Variants in FIP1L1 observed in about 807,000 individuals in gnomAD.
FIP1L1 encodes factor interacting with PAPOLA and CPSF1.
FIP1L1 carries 21 observed loss-of-function variants against 84.6 expected under a neutral mutation model. That is an observed-to-expected ratio of 0.25 (90% confidence interval 0.18 to 0.36). The LOEUF (loss-of-function observed/expected upper bound fraction) is 0.36, where lower values mean the gene tolerates loss of function less well. Ranked by LOEUF, FIP1L1 falls within the 10% of genes least tolerant of loss-of-function variation. FIP1L1 has a pLI of 1.00. For missense variants in FIP1L1, 526 were observed against 751.1 expected (o/e 0.70, Z 3.50); for synonymous variants, 263 against 242.3 (o/e 1.09, Z -0.80).
intron 15 of FIP1L1, among the ~76,000 whole-genome samples, chr4:53,447,474 A>G (rs546840224): frequency 6.6e-6 from 1 of 152,176 alleles, no homozygotes; most frequent in Non-Finnish European, 1.5e-5. Flanking sequence ...ACTTCTTACA[A>G]TGTTTACATT....
chr4:53,459,167 T>C, intron 17 of FIP1L1, 135 bp from the exon 18 acceptor site: 1 of 684,302 alleles, frequency 1.5e-6, no homozygotes, highest in South Asian at 2.0e-5. Context: ...ATTCCTCACA[T>C]TATATTTATG....
intron 9 of FIP1L1, among the ~76,000 whole-genome samples, chr4:53,392,514 T>C (rs567089679): frequency 6.6e-6 from 1 of 152,380 alleles, no homozygotes; most frequent in East Asian, 1.9e-4. Flanking sequence ...CTGTTGTGTT[T>C]TAAAGGGTCA....
intron 1 of FIP1L1, chr4:53,378,236 T>G: frequency 3.5e-6 from 1 of 288,182 alleles, no homozygotes. Flanking sequence ...CTGCGCTCTT[T>G]ACCCTTGTTT....
At position 53,380,376 on chromosome 4, in the gene FIP1L1, C is replaced by T. The variant is rs189748762; in HGVS notation, c.170+1112C>T. On this transcript the variant is annotated intron_variant, in intron 3 of 17. Transcript: ENST00000337488. The stretch of plus-strand genomic sequence containing the variant: ...AATGTGGAAGCTAAAGATGTCAGTC[C>T]GTAGAGACAGATTAGTGGTTACTAA... 2.7e-4 allele frequency among the ~76,000 whole-genome samples: 41 copies of T among 152,202 alleles called. No homozygotes were observed. In the South Asian group the frequency reaches 7.9e-3, roughly 29 times the overall value.
intron 15 of FIP1L1, among the ~76,000 whole-genome samples, chr4:53,448,883 C>T (rs1775291788): frequency 1.3e-5 from 2 of 152,034 alleles, no homozygotes; most frequent in Admixed American, 1.3e-4. Context: ...CCTTAGGTAC[C>T]TAATGTTTTT....
chr4:53,446,336 T>C (rs1258331025), intron 15 of FIP1L1, among the ~76,000 whole-genome samples: 1 of 152,196 alleles, frequency 6.6e-6, no homozygotes, highest in Non-Finnish European at 1.5e-5. Flanking sequence ...GTGGAGTTCA[T>C]TGAAATACAT....
At chr4:53,419,958 C>T (rs1166957680) in intron 11 of FIP1L1, among the ~76,000 whole-genome samples, 12 of 151,980 alleles carry the variant, frequency 7.9e-5, no homozygotes, top group African/African-American at 2.4e-4. Context: ...CCTGTAATCC[C>T]AGCACTTTGG....
At chr4:53,422,960 C>T (rs1274410184) in intron 11 of FIP1L1, among the ~76,000 whole-genome samples, 4 of 152,112 alleles carry the variant, frequency 2.6e-5, no homozygotes, top group East Asian at 3.9e-4. Context: ...AAGTAATCCT[C>T]CCGCCTCAGG....
At chr4:53,395,945 T>C (rs1747032075) in intron 9 of FIP1L1, among the ~76,000 whole-genome samples, 1 of 150,094 alleles carries the variant, frequency 6.7e-6, no homozygotes. Flanking sequence ...TGAGACAGAA[T>C]TTCACTCTTG....
intron 15 of FIP1L1, among the ~76,000 whole-genome samples, chr4:53,448,458 C>T (rs1348158859): frequency 6.6e-6 from 1 of 151,980 alleles, no homozygotes; most frequent in Admixed American, 6.6e-5. Context: ...TTAGCAAGTT[C>T]CATGAAAAAC....
intron 13 of FIP1L1, 49 bp from the exon 14 acceptor site, chr4:53,442,604 A>G (rs1473394917): frequency 7.7e-7 from 1 of 1,295,022 alleles, no homozygotes; most frequent in Non-Finnish European, 1.1e-6. Context: ...CACTCTTGAC[A>G]TTAAGTGTAC....
At chr4:53,455,929 C>T in intron 16 of FIP1L1, among the ~76,000 whole-genome samples, 1 of 152,018 alleles carries the variant, frequency 6.6e-6, no homozygotes, top group East Asian at 1.9e-4. Flanking sequence ...AGTAAGTAAA[C>T]ACTATGACAC....
intron 11 of FIP1L1, among the ~76,000 whole-genome samples, chr4:53,417,685 C>T (rs956546445): frequency 7.5e-6 from 1 of 132,640 alleles, no homozygotes; most frequent in African/African-American, 2.7e-5. Flanking sequence ...AATTCCACAA[C>T]AGATACCCTG....
chr4:53,443,149 A>T (rs953620077), intron 14 of FIP1L1, among the ~76,000 whole-genome samples: 7 of 152,136 alleles, frequency 4.6e-5, no homozygotes, highest in Non-Finnish European at 1.0e-4. Flanking sequence ...GAAGGATTAG[A>T]TCCATTCTGT....
At chr4:53,451,836 G>A (rs945692614) in intron 15 of FIP1L1, among the ~76,000 whole-genome samples, 3 of 149,796 alleles carry the variant, frequency 2.0e-5, no homozygotes, top group African/African-American at 7.4e-5. Flanking sequence ...TTCTTTTCAT[G>A]TTAGATCCTC....
Position 53,390,525 on chromosome 4 carries a change from AAAAGTC to A in FIP1L1, c.407_412del (p.Val136_Lys137del). The A allele has an allele frequency of 3.1e-6, 5 of 1,605,306 alleles. No homozygotes were observed. In the South Asian group the frequency reaches 5.6e-5, roughly 18 times the overall value. ...TTTTGTAATTTTATAAAACAGGGAC[AAAAGTC>A]AAAGGAGTAGACCTTGATGCACCTG... On this transcript the variant is annotated inframe_deletion, in exon 7 of 18. Coordinates refer to ENST00000337488, the MANE Select transcript of FIP1L1 (RefSeq NM_030917.4).
intron 13 of FIP1L1, among the ~76,000 whole-genome samples, chr4:53,432,597 T>C (rs754196761): frequency 5.3e-5 from 8 of 152,202 alleles, no homozygotes; most frequent in Non-Finnish European, 1.0e-4. Flanking sequence ...CTAATACTTA[T>C]TGAATGCTCA....
chr4:53,459,277 C>CTTTTTTTTT (rs3067115), intron 17 of FIP1L1, 25 bp from the exon 18 acceptor site: 3 of 974,938 alleles, frequency 3.1e-6, no homozygotes, highest in Non-Finnish European at 2.8e-6. Flanking sequence ...CAGAACACAC[C>CTTTTTTTTT]TTTTTTTTTT....
chr4:53,389,056 A>G (rs1742718760), intron 5 of FIP1L1, among the ~76,000 whole-genome samples: 1 of 152,244 alleles, frequency 6.6e-6, no homozygotes, highest in Admixed American at 6.5e-5. Context: ...AGATCAAGAT[A>G]TGAAACATAA....
Sources: gnomAD v4.1 joint callset for allele counts (sites outside exome capture counted in the v4.1 genomes callset) on GRCh38, gnomAD v4.1.1 for gene constraint, MANE v1.5 for transcripts, NCBI Gene and HGNC (gene_info 2026-07-23, HGNC 2026-07-21) for gene names.